PCP4: variants seen among roughly 807,000 people sequenced by gnomAD.
The protein encoded by PCP4 is Purkinje cell protein 4.
A neutral mutation model predicts 10.0 loss-of-function variants in PCP4; 8 were observed. That is an observed-to-expected ratio of 0.80 (90% CI 0.47 to 1.45). The LOEUF (loss-of-function observed/expected upper bound fraction) is 1.45. Ranked by LOEUF, PCP4 falls within the 40% of genes most tolerant of loss-of-function variation. The pLI is 0.00. For synonymous variants in PCP4, 21 were observed against 23.0 expected (o/e 0.91, Z 0.24); for missense variants, 54 against 74.4 (o/e 0.73, Z 1.01).
At chr21:39,893,331 T>C (rs2087442134) in intron 1 of PCP4, among the ~76,000 whole-genome samples, 1 of 151,998 alleles carries the variant, frequency 6.6e-6, no homozygotes, top group African/African-American at 2.4e-5. Flanking sequence ...TTTTTATGGA[T>C]ACCGGGCATG....
At chr21:39,919,180 C>A (rs1333421817) in intron 2 of PCP4, among the ~76,000 whole-genome samples, 1 of 152,190 alleles carries the variant, frequency 6.6e-6, no homozygotes, top group Non-Finnish European at 1.5e-5. Context: ...TAGGAGGGAA[C>A]CCCACTCCCT....
chr21:39,923,644 T>A (rs1300128219), intron 2 of PCP4, among the ~76,000 whole-genome samples: 3 of 152,178 alleles, frequency 2.0e-5, no homozygotes, highest in East Asian at 3.9e-4. Context: ...CGCGGCAGAA[T>A]CCTATGTGCA....
chr21:39,878,002 C>A (rs1016161100), intron 1 of PCP4, among the ~76,000 whole-genome samples: 5 of 143,932 alleles, frequency 3.5e-5, no homozygotes, highest in South Asian at 2.2e-4. Context: ...TAGATTGTGA[C>A]GAGAGAGAGA....
At chr21:39,924,631 G>A (rs902839067) in intron 2 of PCP4, among the ~76,000 whole-genome samples, 1 of 152,070 alleles carries the variant, frequency 6.6e-6, no homozygotes, top group Non-Finnish European at 1.5e-5. Flanking sequence ...TCCACCTCCC[G>A]GGCTCCAGTG....
Position 39,925,017 on chromosome 21 carries a change from T to C in PCP4, c.62-3967T>C, listed in dbSNP as rs544870681. Reference sequence around the variant, plus strand: ...GTGCCTTCCTCTTTCCCTGTGTGCCTATTGAGGTCTGGACGTCTGCCCCTG... The same window carrying C: ...GTGCCTTCCTCTTTCCCTGTGTGCCCATTGAGGTCTGGACGTCTGCCCCTG... On this transcript the variant is annotated intron_variant, in intron 2 of 2. Coordinates refer to ENST00000328619, the MANE Select transcript of PCP4 (RefSeq NM_006198.3). Among the ~76,000 whole-genome samples, 3 of 152,326 alleles carry C rather than the reference T, an allele frequency of 2.0e-5. No individual in the cohort carries two copies. The East Asian group carries it at 5.8e-4, about 29-fold the overall frequency.
intron 2 of PCP4, among the ~76,000 whole-genome samples, chr21:39,918,614 A>G (rs2087580300): frequency 6.6e-6 from 1 of 152,340 alleles, no homozygotes; most frequent in East Asian, 1.9e-4. Flanking sequence ...TGTGTTTTTG[A>G]TTTGGGGAAT....
Position 39,898,550 on chromosome 21 carries a change from A to G in PCP4, c.61+23A>G, listed in dbSNP as rs753059047. The G allele has an allele frequency of 4.4e-6, 7 of 1,602,244 alleles. No individual in the cohort carries two copies. The East Asian group carries it at 1.3e-4, about 31-fold the overall frequency. ...ATGGTAAGAGGACATGAATAGTCCA[A>G]GTTCTTTCTCTTTTGCCATCTGCAG... On this transcript the variant is annotated intron_variant, in intron 2 of 2. Transcript: ENST00000328619.
chr21:39,897,899 A>C (rs1192594575), intron 1 of PCP4, among the ~76,000 whole-genome samples: 1 of 151,994 alleles, frequency 6.6e-6, no homozygotes, highest in Non-Finnish European at 1.5e-5. Flanking sequence ...ACAAAAAATT[A>C]GCCGTACGTG....
intron 2 of PCP4, among the ~76,000 whole-genome samples, chr21:39,912,517 A>G (rs1041393052): frequency 2.0e-5 from 3 of 152,000 alleles, no homozygotes; most frequent in African/African-American, 7.3e-5. Context: ...CCAAGGTGCC[A>G]CATAAAACAG....
Position 39,906,840 on chromosome 21 carries a change from T to C in PCP4, c.61+8313T>C, listed in dbSNP as rs2087513275. Among the ~76,000 whole-genome samples, 1 of 152,240 alleles carries C rather than the reference T, an allele frequency of 6.6e-6. No individual in the cohort carries two copies. The highest frequency in any genetic ancestry group is 1.5e-5 in the Non-Finnish European group (1 of 68,048). ...GGAAAATGTGCATCCCTCTAGCCTTTGGAAACCTGCCCCAAGCAGGAGATA... is the reference window on the plus strand; with the variant it reads ...GGAAAATGTGCATCCCTCTAGCCTTCGGAAACCTGCCCCAAGCAGGAGATA... On this transcript the variant is annotated intron_variant, in intron 2 of 2. Transcript: ENST00000328619. The surrounding 1 kb of genome is among the most constrained non-coding windows in gnomAD (Gnocchi z 6.3).
At chr21:39,920,962 G>T (rs930067467) in intron 2 of PCP4, among the ~76,000 whole-genome samples, 1 of 152,188 alleles carries the variant, frequency 6.6e-6, no homozygotes, top group Non-Finnish European at 1.5e-5. Flanking sequence ...CTCTCCAGCG[G>T]CCTGCTTTGC....
intron 1 of PCP4, among the ~76,000 whole-genome samples, chr21:39,888,828 G>C (rs765475165): frequency 5.3e-5 from 8 of 152,198 alleles, no homozygotes; most frequent in Non-Finnish European, 7.3e-5. Flanking sequence ...CCCCTGACCT[G>C]GCTGAGTCTG....
At chr21:39,925,772 C>T (rs2087618092) in intron 2 of PCP4, among the ~76,000 whole-genome samples, 2 of 152,096 alleles carry the variant, frequency 1.3e-5, no homozygotes, top group Admixed American at 1.3e-4. Flanking sequence ...AGTGATGGGG[C>T]TGGGGAAGCT....
chr21:39,911,239 T>G (rs920437757), intron 2 of PCP4, among the ~76,000 whole-genome samples: 1 of 152,230 alleles, frequency 6.6e-6, no homozygotes, highest in African/African-American at 2.4e-5. Context: ...GTAGTTATTT[T>G]TGTTGAAATA....
At chr21:39,924,028 C>T (rs1568862861) in intron 2 of PCP4, among the ~76,000 whole-genome samples, 1 of 152,190 alleles carries the variant, frequency 6.6e-6, no homozygotes, top group East Asian at 1.9e-4. Flanking sequence ...CATCTTGCAA[C>T]AAGCCCAGCA....
intron 2 of PCP4, among the ~76,000 whole-genome samples, chr21:39,919,969 GGT>G (rs1444145526): frequency 2.8e-5 from 4 of 143,348 alleles, no homozygotes; most frequent in African/African-American, 5.3e-5. Flanking sequence ...GGTGTGTGTT[GGT>G]GTGTGTGTGG....
intron 2 of PCP4, among the ~76,000 whole-genome samples, chr21:39,922,468 G>T (rs1276545854): frequency 1.3e-5 from 2 of 152,306 alleles, no homozygotes; most frequent in East Asian, 3.9e-4. Context: ...GTCTATACTA[G>T]TGCAAAGTTT....
At chr21:39,924,256 C>T (rs2087610481) in intron 2 of PCP4, among the ~76,000 whole-genome samples, 1 of 152,166 alleles carries the variant, frequency 6.6e-6, no homozygotes, top group Non-Finnish European at 1.5e-5. Flanking sequence ...TAAGGTACAA[C>T]CGAGTGTTGA....
chr21:39,926,538 A>G (rs2087622156), intron 2 of PCP4, among the ~76,000 whole-genome samples: 1 of 152,176 alleles, frequency 6.6e-6, no homozygotes, highest in Admixed American at 6.5e-5. Flanking sequence ...TGTACAGTTG[A>G]TGCAAGGATT....
Sources: gnomAD v4.1 joint callset for allele counts (sites outside exome capture counted in the v4.1 genomes callset) on GRCh38, gnomAD v4.1.1 for gene constraint, Gnocchi (gnomAD v3.1) non-coding constraint, MANE v1.5 for transcripts, NCBI Gene and HGNC (gene_info 2026-07-23, HGNC 2026-07-21) for gene names.